Variants in KAT2B observed in about 807,000 individuals in gnomAD.
KAT2B encodes the protein lysine acetyltransferase 2B, also known as histone acetyltransferase KAT2B.
In KAT2B, 36 loss-of-function variants were observed where a neutral mutation model predicts 105.9. The ratio of observed to expected loss-of-function variants is 0.34; its 90% CI spans 0.26 to 0.45. KAT2B has a LOEUF of 0.45. Among genes scored for constraint, KAT2B ranks in the 20% least tolerant of loss-of-function variants. The probability of loss-of-function intolerance (pLI) is 1.00; values close to 1 mark genes in which losing one functional copy is unlikely to be tolerated. For missense variants in KAT2B, 820 were observed against 1,021.6 expected, an observed-to-expected ratio of 0.80 and a Z score of 2.69; for synonymous variants, 397 against 377.9, an observed-to-expected ratio of 1.05 and a Z score of -0.59.
intron 7 of KAT2B, 114 bp downstream of exon 7, chr3:20,115,102 A>G (rs1193881680): frequency 4.6e-6 from 3 of 654,788 alleles, no homozygotes; most frequent in African/African-American, 1.8e-5. Context: ...TTAGCTCTAT[A>G]GTCAAATGCT....
intron 1 of KAT2B, among the ~76,000 whole-genome samples, chr3:20,056,366 A>G (rs1262287572): frequency 1.3e-5 from 2 of 152,244 alleles, no homozygotes; most frequent in Admixed American, 1.3e-4. Flanking sequence ...TCCATTTACC[A>G]AGATAGAGAA....
intron 1 of KAT2B, 83 bp from the exon 2 acceptor site, chr3:20,072,250 T>C: frequency 7.3e-7 from 1 of 1,367,538 alleles, no homozygotes; most frequent in Non-Finnish European, 1.0e-6. Context: ...GTCATATAAT[T>C]AGTGTACATT....
intron 11 of KAT2B, among the ~76,000 whole-genome samples, chr3:20,130,149 C>T (rs553695123): frequency 3.9e-5 from 6 of 152,236 alleles, no homozygotes; most frequent in South Asian, 2.1e-4. Context: ...GGCCTCAGCA[C>T]GAATTATAGC....
intron 1 of KAT2B, among the ~76,000 whole-genome samples, chr3:20,046,080 G>A (rs1265889283): frequency 1.3e-5 from 2 of 152,270 alleles, no homozygotes; most frequent in Non-Finnish European, 2.9e-5. Context: ...CAACCTTAAA[G>A]TTAAAAGAAA....
intron 13 of KAT2B, among the ~76,000 whole-genome samples, chr3:20,144,857 A>G (rs888469594): frequency 4.0e-5 from 6 of 151,574 alleles, no homozygotes; most frequent in Admixed American, 1.3e-4. Flanking sequence ...GTGCAATGGC[A>G]CAACCTTGGT....
intron 11 of KAT2B, among the ~76,000 whole-genome samples, chr3:20,128,197 A>G (rs58430200): frequency 6.6e-6 from 1 of 152,350 alleles, no homozygotes; most frequent in East Asian, 1.9e-4. Context: ...GGGATATTTG[A>G]AAAATAGATC....
chr3:20,074,514 G>A (rs1698383683), intron 2 of KAT2B, among the ~76,000 whole-genome samples: 1 of 152,150 alleles, frequency 6.6e-6, no homozygotes, highest in African/African-American at 2.4e-5. Flanking sequence ...AATAGTACCT[G>A]GCATGTAAAT....
At chr3:20,096,144 C>G (rs1176611224) in intron 3 of KAT2B, among the ~76,000 whole-genome samples, 2 of 152,104 alleles carry the variant, frequency 1.3e-5, no homozygotes, top group African/African-American at 2.4e-5. Flanking sequence ...GGAGGAGTGG[C>G]TGTAAGTCCT....
intron 1 of KAT2B, among the ~76,000 whole-genome samples, chr3:20,051,091 T>C (rs1218141867): frequency 5.9e-5 from 9 of 151,422 alleles, no homozygotes; most frequent in African/African-American, 2.2e-4. Flanking sequence ...TCCCAGCTTC[T>C]TGGGAGGCTG....
intron 11 of KAT2B, 85 bp from the exon 12 acceptor site, chr3:20,136,857 T>G: frequency 1.5e-6 from 1 of 656,048 alleles, no homozygotes; most frequent in East Asian, 2.7e-5. Flanking sequence ...TACAAACTTC[T>G]GAATTCACCA....
chr3:20,112,370 T>TC (rs1375917911), intron 6 of KAT2B, among the ~76,000 whole-genome samples: 1 of 152,198 alleles, frequency 6.6e-6, no homozygotes, highest in Non-Finnish European at 1.5e-5. Flanking sequence ...GCTCCTTGCT[T>TC]CTTGCACCTG....
At chr3:20,068,769 A>G (rs1010804076) in intron 1 of KAT2B, among the ~76,000 whole-genome samples, 77 of 152,122 alleles carry the variant, frequency 5.1e-4, no homozygotes, top group Non-Finnish European at 9.4e-4. Context: ...TCCAAACTCA[A>G]GGTGTTTTTG....
chr3:20,118,147 G>C (rs766957958), intron 7 of KAT2B, among the ~76,000 whole-genome samples: 84 of 143,396 alleles, frequency 5.9e-4, no homozygotes, highest in South Asian at 1.5e-3. Context: ...AAAAAATTTA[G>C]GAGAAAAAAA....
At chr3:20,067,999 T>C (rs1183105906) in intron 1 of KAT2B, among the ~76,000 whole-genome samples, 2 of 137,008 alleles carry the variant, frequency 1.5e-5, no homozygotes, top group African/African-American at 5.5e-5. Context: ...TCTTTCTTTC[T>C]TTTTTTTTTG....
intron 9 of KAT2B, among the ~76,000 whole-genome samples, chr3:20,125,300 G>C: frequency 9.0e-6 from 1 of 111,212 alleles, no homozygotes; most frequent in African/African-American, 3.4e-5. Context: ...GCGAGACTCC[G>C]TCTCAGAAAA....
chr3:20,094,972 G>C (rs1288411433), intron 2 of KAT2B, among the ~76,000 whole-genome samples: 1 of 152,168 alleles, frequency 6.6e-6, no homozygotes, highest in Non-Finnish European at 1.5e-5. Context: ...GACCAGTCTT[G>C]ATGCTACCAG....
intron 1 of KAT2B, among the ~76,000 whole-genome samples, chr3:20,056,093 C>T (rs1697999485): frequency 6.6e-6 from 1 of 152,162 alleles, no homozygotes; most frequent in East Asian, 1.9e-4. Context: ...TTGAAGTGAC[C>T]CCTCTGGCTG....
intron 2 of KAT2B, among the ~76,000 whole-genome samples, chr3:20,073,943 C>T (rs769657817): frequency 6.6e-6 from 1 of 152,190 alleles, no homozygotes; most frequent in Non-Finnish European, 1.5e-5. Context: ...AGCAGATTGT[C>T]TCCATTCTAA....
intron 1 of KAT2B, among the ~76,000 whole-genome samples, chr3:20,054,810 C>A (rs888734081): frequency 1.3e-5 from 2 of 152,138 alleles, no homozygotes; most frequent in Non-Finnish European, 2.9e-5. Flanking sequence ...TCATGTAACC[C>A]AGGATTGGCA....
Sources: allele counts gnomAD v4.1 joint callset (sites outside exome capture counted in the v4.1 genomes callset), GRCh38; gene constraint gnomAD v4.1.1; transcripts MANE v1.5; gene names NCBI Gene and HGNC (gene_info 2026-07-23, HGNC 2026-07-21).